Variants in STK4 observed in about 807,000 individuals in gnomAD.
STK4 encodes the protein serine/threonine kinase 4, also known as serine/threonine-protein kinase 4.
In STK4, 30 loss-of-function variants were observed where a neutral mutation model predicts 64.9. The observed-to-expected ratio is 0.46, with a 90% CI of 0.35 to 0.63. The LOEUF is 0.63. Ranked by LOEUF, STK4 falls within the 20% of genes least tolerant of loss-of-function variation. STK4 has a pLI of 0.01. For missense variants in STK4, 466 were observed against 598.5 expected (o/e 0.78, Z 2.31); for synonymous variants, 177 against 199.0 (o/e 0.89, Z 0.93).
chr20:45,062,186 T>C (rs1224124316), intron 10 of STK4, among the ~76,000 whole-genome samples: 1 of 152,150 alleles, frequency 6.6e-6, no homozygotes, highest in African/African-American at 2.4e-5. Context: ...GGCCTCAGTA[T>C]TTGTTTTTCT....
intron 9 of STK4, among the ~76,000 whole-genome samples, chr20:45,010,200 G>A (rs2068019940): frequency 6.6e-6 from 1 of 151,926 alleles, no homozygotes; most frequent in African/African-American, 2.4e-5. Context: ...TCCTGAGATT[G>A]GGATTACAGG....
chr20:45,018,014 T>A (rs2068174994), intron 9 of STK4, among the ~76,000 whole-genome samples: 2 of 152,212 alleles, frequency 1.3e-5, no homozygotes, highest in Non-Finnish European at 2.9e-5. Context: ...TGTACACAGC[T>A]ACTTGGATAG....
At chr20:44,982,398 G>A (rs1336319876) in intron 4 of STK4, among the ~76,000 whole-genome samples, 2 of 151,814 alleles carry the variant, frequency 1.3e-5, no homozygotes, top group Non-Finnish European at 2.9e-5. Context: ...GCCTCCCAAA[G>A]TGCTGGGATT....
intron 2 of STK4, chr20:44,975,105 G>A (rs533811940): frequency 6.6e-6 from 1 of 152,366 alleles, no homozygotes; most frequent in South Asian, 2.1e-4. Context: ...GTTAAGACTT[G>A]TATCTGATTA....
At chr20:45,053,322 T>A in intron 10 of STK4, 1 of 644,458 alleles carries the variant, frequency 1.6e-6, no homozygotes, top group Non-Finnish European at 2.7e-6. Context: ...GTTTTTGACC[T>A]CAAGAGGTTG....
chr20:44,988,533 G>GTGTGTGTGTGTGTA (rs1221720136), intron 5 of STK4, among the ~76,000 whole-genome samples: 78 of 101,580 alleles, frequency 7.7e-4, no homozygotes, highest in African/African-American at 3.6e-3. Flanking sequence ...ATGTGTGTGT[G>GTGTGTGTGTGTGTA]TATATATATA....
At chr20:45,066,216 A>G (rs540942439) in intron 10 of STK4, among the ~76,000 whole-genome samples, 2 of 151,478 alleles carry the variant, frequency 1.3e-5, no homozygotes, top group African/African-American at 4.8e-5. Context: ...ACACACACAG[A>G]TATCTAGCTA....
At chr20:45,065,630 C>T (rs1979500795) in intron 10 of STK4, among the ~76,000 whole-genome samples, 1 of 151,752 alleles carries the variant, frequency 6.6e-6, no homozygotes, top group African/African-American at 2.4e-5. Context: ...CCTGGTTCTA[C>T]ATTTTGTAGC....
intron 10 of STK4, among the ~76,000 whole-genome samples, chr20:45,055,112 C>G (rs1978356959): frequency 6.6e-6 from 1 of 152,094 alleles, no homozygotes; most frequent in Non-Finnish European, 1.5e-5. Context: ...CAGGAGTGAC[C>G]TTGTTACTCT....
At chr20:44,996,247 G>A (rs899323601) in intron 6 of STK4, among the ~76,000 whole-genome samples, 1 of 152,090 alleles carries the variant, frequency 6.6e-6, no homozygotes, top group African/African-American at 2.4e-5. Flanking sequence ...TGCATCTCCA[G>A]TGAAGCTCTT....
chr20:45,067,321 G>C (rs796680603), intron 10 of STK4, among the ~76,000 whole-genome samples: 15 of 152,280 alleles, frequency 9.9e-5, no homozygotes, highest in African/African-American at 3.4e-4. Flanking sequence ...CAGAAGGGAT[G>C]ATGTGTTTGA....
chr20:45,044,610 G>A (rs2068664663), intron 10 of STK4, among the ~76,000 whole-genome samples: 1 of 152,094 alleles, frequency 6.6e-6, no homozygotes. Context: ...AGCCGTGATT[G>A]TGCCACTACA....
chr20:45,010,982 G>GATT (rs2068034595), intron 9 of STK4, among the ~76,000 whole-genome samples: 4 of 152,176 alleles, frequency 2.6e-5, no homozygotes, highest in Admixed American at 6.5e-5. Context: ...GGATTAAGGT[G>GATT]GGATTTGATT....
intron 5 of STK4, among the ~76,000 whole-genome samples, chr20:44,993,338 CTT>C (rs1319291552): frequency 6.6e-6 from 1 of 152,036 alleles, no homozygotes; most frequent in Admixed American, 6.6e-5. Flanking sequence ...ACTAATATAA[CTT>C]TATAATACAA....
chr20:45,045,369 C>G (rs2068677241), intron 10 of STK4, among the ~76,000 whole-genome samples: 1 of 152,168 alleles, frequency 6.6e-6, no homozygotes, highest in Admixed American at 6.5e-5. Flanking sequence ...AGAATCAGGT[C>G]TGGAACCCAG....
chr20:45,074,989 C>T (rs771679499), intron 10 of STK4, 29 bp from the exon 11 acceptor site: 35 of 1,613,122 alleles, frequency 2.2e-5, no homozygotes, highest in Admixed American at 1.0e-4. Context: ...TAAGCTTTGT[C>T]GTGACTATAC....
At chr20:45,045,356 GCCAGAATCAGGTCTGGAAC>G (rs1167891086) in intron 10 of STK4, among the ~76,000 whole-genome samples, 1 of 152,194 alleles carries the variant, frequency 6.6e-6, no homozygotes, top group African/African-American at 2.4e-5. Context: ...CCTACTTGGT[GCCAGAATCAGGTCTGGAAC>G]CCAGACCCCT....
chr20:44,968,176 C>T (rs1317406978), intron 1 of STK4, among the ~76,000 whole-genome samples: 2 of 151,124 alleles, frequency 1.3e-5, no homozygotes, highest in Non-Finnish European at 2.9e-5. Flanking sequence ...CTCACTCTGT[C>T]GCCCAGTCTG....
chr20:45,043,157 A>G (rs2068640044), intron 10 of STK4, among the ~76,000 whole-genome samples: 1 of 152,026 alleles, frequency 6.6e-6, no homozygotes, highest in Admixed American at 6.5e-5. Context: ...CTCCAGCTCC[A>G]TCCATATCCC....
Sources: allele counts gnomAD v4.1 joint callset (sites outside exome capture counted in the v4.1 genomes callset), GRCh38; gene constraint gnomAD v4.1.1; transcripts MANE v1.5; gene names NCBI Gene and HGNC (gene_info 2026-07-23, HGNC 2026-07-21).